Variants in OXCT1 observed in about 807,000 individuals in gnomAD.
OXCT1 encodes succinyl-CoA:3-ketoacid coenzyme A transferase 1, mitochondrial.
In OXCT1, 27 loss-of-function variants were observed where a neutral mutation model predicts 69.6. The ratio of observed to expected loss-of-function variants is 0.39; its 90% CI spans 0.29 to 0.54. The LOEUF is 0.54. Among genes scored for constraint, OXCT1 ranks in the 20% least tolerant of loss-of-function variants. The probability of loss-of-function intolerance (pLI) is 0.72; values close to 1 mark genes in which losing one functional copy is unlikely to be tolerated. For missense variants in OXCT1, 437 were observed against 650.2 expected (o/e 0.67, Z 3.57); for synonymous variants, 202 against 217.8 (o/e 0.93, Z 0.64).
At chr5:41,733,312 T>A (rs914426393) in intron 16 of OXCT1, among the ~76,000 whole-genome samples, 2 of 151,220 alleles carry the variant, frequency 1.3e-5, no homozygotes, top group African/African-American at 4.9e-5. Flanking sequence ...AATGGCGCGA[T>A]CTTGGCTCAC....
At chr5:41,823,604 C>T (rs1747669102) in intron 7 of OXCT1, among the ~76,000 whole-genome samples, 1 of 152,188 alleles carries the variant, frequency 6.6e-6, no homozygotes, top group African/African-American at 2.4e-5. Context: ...TCTGACGGAT[C>T]TAAGAATAAT....
At chr5:41,791,021 C>T (rs1227387720) in intron 13 of OXCT1, among the ~76,000 whole-genome samples, 2 of 152,130 alleles carry the variant, frequency 1.3e-5, no homozygotes, top group Non-Finnish European at 2.9e-5. Flanking sequence ...AGAGTGCTTG[C>T]AGTGTTCACT....
intron 13 of OXCT1, among the ~76,000 whole-genome samples, chr5:41,781,807 AGTATAGCATG>A (rs765229673): frequency 1.6e-4 from 24 of 152,216 alleles, no homozygotes; most frequent in Non-Finnish European, 2.6e-4. Context: ...ATGGCTGCAT[AGTATAGCATG>A]GTATATATGT....
intron 7 of OXCT1, among the ~76,000 whole-genome samples, chr5:41,836,276 T>C (rs1006930973): frequency 2.0e-5 from 3 of 152,194 alleles, no homozygotes; most frequent in Non-Finnish European, 4.4e-5. Context: ...CTCTCTAGCA[T>C]GTGTGGCAAT....
chr5:41,818,431 T>G (rs973959036), intron 7 of OXCT1, among the ~76,000 whole-genome samples: 4 of 152,150 alleles, frequency 2.6e-5, no homozygotes, highest in African/African-American at 9.6e-5. Context: ...AAATTTTTAT[T>G]CTGTGGAATG....
chr5:41,823,863 A>C (rs544159857), intron 7 of OXCT1, among the ~76,000 whole-genome samples: 27 of 152,338 alleles, frequency 1.8e-4, no homozygotes, highest in African/African-American at 6.3e-4. Flanking sequence ...CTCATTTTAC[A>C]GCTTTTAGGA....
At chr5:41,775,235 C>G (rs951554365) in intron 13 of OXCT1, among the ~76,000 whole-genome samples, 6 of 152,182 alleles carry the variant, frequency 3.9e-5, no homozygotes, top group Admixed American at 3.9e-4. Context: ...TACAAAACTG[C>G]TCCCCATTTC....
At chr5:41,737,009 A>T (rs1398981818) in intron 16 of OXCT1, among the ~76,000 whole-genome samples, 1 of 152,254 alleles carries the variant, frequency 6.6e-6, no homozygotes, top group Non-Finnish European at 1.5e-5. Context: ...CCTTATTGAT[A>T]ATCCAGGTAT....
chr5:41,813,659 C>T (rs986326799), intron 7 of OXCT1, among the ~76,000 whole-genome samples: 13 of 152,050 alleles, frequency 8.5e-5, no homozygotes, highest in Admixed American at 8.5e-4. Flanking sequence ...ACAGAGAAGA[C>T]AGTCTGACGC....
intron 7 of OXCT1, among the ~76,000 whole-genome samples, chr5:41,836,468 C>T (rs1748367522): frequency 6.6e-6 from 1 of 152,110 alleles, no homozygotes; most frequent in Non-Finnish European, 1.5e-5. Context: ...AAGTGATCAC[C>T]TCTATGGTTT....
chr5:41,734,903 A>G (rs1742810125), intron 16 of OXCT1, among the ~76,000 whole-genome samples: 1 of 152,232 alleles, frequency 6.6e-6, no homozygotes, highest in South Asian at 2.1e-4. Context: ...ACAATGAGAT[A>G]TCACCTCACA....
At chr5:41,773,993 T>C (rs1745006187) in intron 13 of OXCT1, among the ~76,000 whole-genome samples, 1 of 152,144 alleles carries the variant, frequency 6.6e-6, no homozygotes, top group African/African-American at 2.4e-5. Context: ...TTACAGTAAG[T>C]GAGAGGACTT....
chr5:41,782,431 C>A (rs1745452523), intron 13 of OXCT1, among the ~76,000 whole-genome samples: 1 of 152,050 alleles, frequency 6.6e-6, no homozygotes, highest in African/African-American at 2.4e-5. Context: ...CCAGGCTGGT[C>A]TTGAACTCCT....
intron 3 of OXCT1, among the ~76,000 whole-genome samples, chr5:41,855,238 G>A (rs567666850): frequency 4.9e-4 from 74 of 152,276 alleles, no homozygotes; most frequent in Admixed American, 2.8e-3. Flanking sequence ...TCAAAAGTAA[G>A]GCTAACGATT....
intron 7 of OXCT1, among the ~76,000 whole-genome samples, chr5:41,836,770 C>A (rs1323768839): frequency 6.6e-6 from 1 of 152,154 alleles, no homozygotes; most frequent in Non-Finnish European, 1.5e-5. Flanking sequence ...CTCACTCACC[C>A]ACCACTCATC....
At chr5:41,798,243 A>G (rs1348307026) in intron 11 of OXCT1, among the ~76,000 whole-genome samples, 1 of 152,226 alleles carries the variant, frequency 6.6e-6, no homozygotes, top group African/African-American at 2.4e-5. Flanking sequence ...GGGTACAGCA[A>G]GACAGAAAGC....
At chr5:41,782,468 C>A (rs1452704343) in intron 13 of OXCT1, among the ~76,000 whole-genome samples, 1 of 152,158 alleles carries the variant, frequency 6.6e-6, no homozygotes, top group Non-Finnish European at 1.5e-5. Flanking sequence ...CCTGCCTTAG[C>A]CCCCCAAAGT....
At chr5:41,768,002 A>AGTT (rs1744699649) in intron 13 of OXCT1, among the ~76,000 whole-genome samples, 1 of 151,874 alleles carries the variant, frequency 6.6e-6, no homozygotes, top group South Asian at 2.1e-4. Flanking sequence ...GTTTCATCAT[A>AGTT]TGAACTGCCC....
chr5:41,752,752 CA>C (rs1212160247), intron 14 of OXCT1, among the ~76,000 whole-genome samples: 1 of 151,892 alleles, frequency 6.6e-6, no homozygotes, highest in African/African-American at 2.4e-5. Context: ...CTCAAACAAA[CA>C]AACAAAAACA....
Sources: gnomAD v4.1 joint callset for allele counts (sites outside exome capture counted in the v4.1 genomes callset) on GRCh38, gnomAD v4.1.1 for gene constraint, MANE v1.5 for transcripts, NCBI Gene and HGNC (gene_info 2026-07-23, HGNC 2026-07-21) for gene names.